Variants in AGAP1 observed in about 807,000 individuals in gnomAD.
The protein encoded by AGAP1 is ArfGAP with GTPase domain, ankyrin repeat and PH domain 1.
In AGAP1, 29 loss-of-function variants were observed where a neutral mutation model predicts 105.3. The ratio of observed to expected loss-of-function variants is 0.28; its 90% CI spans 0.21 to 0.38. AGAP1 has a LOEUF of 0.38. Ranked by LOEUF, AGAP1 falls within the 10% of genes least tolerant of loss-of-function variation. The pLI is 1.00. For synonymous variants in AGAP1, 509 were observed against 485.9 expected (o/e 1.05, Z -0.63); for missense variants, 998 against 1,165.1 (o/e 0.86, Z 2.09).
intron 1 of AGAP1, among the ~76,000 whole-genome samples, chr2:235,636,616 C>T (rs1344683422): frequency 6.6e-6 from 1 of 152,178 alleles, no homozygotes; most frequent in Non-Finnish European, 1.5e-5. Flanking sequence ...CATCAGCATC[C>T]CATGACATTG....
intron 9 of AGAP1, among the ~76,000 whole-genome samples, chr2:235,812,886 C>T (rs1174282256): frequency 1.3e-5 from 2 of 152,216 alleles, no homozygotes; most frequent in East Asian, 3.9e-4. Context: ...CGTAGGGGCC[C>T]GTTTTGCTCC....
At chr2:235,885,839 A>G (rs146668084) in intron 10 of AGAP1, among the ~76,000 whole-genome samples, 2 of 152,348 alleles carry the variant, frequency 1.3e-5, no homozygotes, top group East Asian at 1.9e-4. Context: ...GGGATTCGAG[A>G]TGCAGATATG....
intron 13 of AGAP1, among the ~76,000 whole-genome samples, chr2:235,990,597 A>G (rs1458298405): frequency 1.3e-5 from 2 of 152,178 alleles, no homozygotes; most frequent in African/African-American, 4.8e-5. Flanking sequence ...AAGGGCAGGC[A>G]TCACATGAGA....
rs532606775 is a variant in AGAP1 at position 235,682,042 on chromosome 2, A to G, written c.164-27137A>G. Reference sequence around the variant, plus strand: ...TTTTTTTTGTATTTTTAGTAGAGACAGGGTTTCACCATGTTGGCCAGGCTG... The same window carrying G: ...TTTTTTTTGTATTTTTAGTAGAGACGGGGTTTCACCATGTTGGCCAGGCTG... On this transcript the variant is annotated intron_variant, in intron 1 of 17. Transcript: ENST00000304032. Among the ~76,000 whole-genome samples, 4 of 151,778 alleles carry G rather than the reference A, an allele frequency of 2.6e-5. No homozygotes were observed. In the East Asian group the frequency reaches 7.8e-4, roughly 30 times the overall value.
intron 7 of AGAP1, among the ~76,000 whole-genome samples, chr2:235,798,794 A>C (rs1957358439): frequency 6.6e-6 from 1 of 150,650 alleles, no homozygotes; most frequent in Non-Finnish European, 1.5e-5. Flanking sequence ...ACCTCTGCCC[A>C]GCAGAAGAGC....
At chr2:236,075,784 G>C (rs1271765603) in intron 16 of AGAP1, among the ~76,000 whole-genome samples, 1 of 152,212 alleles carries the variant, frequency 6.6e-6, no homozygotes, top group Non-Finnish European at 1.5e-5. Flanking sequence ...AGAGCTGATT[G>C]CTGCCCAGTG....
intron 13 of AGAP1, among the ~76,000 whole-genome samples, chr2:236,011,198 C>T (rs920563224): frequency 4.6e-5 from 7 of 152,224 alleles, no homozygotes; most frequent in African/African-American, 1.2e-4. Flanking sequence ...CCTGAGTTCA[C>T]GGTTCACGTT....
At chr2:235,835,566 C>T (rs1434938211) in intron 9 of AGAP1, among the ~76,000 whole-genome samples, 1 of 152,198 alleles carries the variant, frequency 6.6e-6, no homozygotes, top group Non-Finnish European at 1.5e-5. Flanking sequence ...GCACTTTGTC[C>T]ATTACTTTGT....
chr2:235,759,650 G>A (rs1282833211), intron 6 of AGAP1, among the ~76,000 whole-genome samples: 1 of 152,228 alleles, frequency 6.6e-6, no homozygotes, highest in Non-Finnish European at 1.5e-5. Flanking sequence ...TGAGGAAGAA[G>A]CCTTGGTGGG....
In AGAP1 at chr2:235,824,188, G is replaced by T. The variant is rs1958949200; in HGVS notation, c.1050+16857G>T. Among the ~76,000 whole-genome samples the T allele has an allele frequency of 6.6e-6, 1 of 152,346 alleles. No individual in the cohort carries two copies. Among genetic ancestry groups the T allele is most frequent in the South Asian group, 2.1e-4 (1 of 4,824 alleles). ...ATAGCGCCAACGCTGAGGGGTCTTC[G>T]ATTGGTGGCACCCGTGTTCCACGGT... On this transcript the variant is annotated intron_variant, in intron 9 of 17. Coordinates refer to ENST00000304032, the MANE Select transcript of AGAP1 (RefSeq NM_001037131.3). This position sits in a 1 kb window ranked among gnomAD's most constrained non-coding sequence, Gnocchi z 5.2.
chr2:235,526,720 A>T (rs1470034777), intron 1 of AGAP1, among the ~76,000 whole-genome samples: 1 of 152,212 alleles, frequency 6.6e-6, no homozygotes. Context: ...CCTGAACAAC[A>T]TGGGTGATGG....
chr2:235,843,522 T>C lies in AGAP1; in HGVS notation c.1050+36191T>C, dbSNP rs968106913. 6.6e-6 allele frequency among the ~76,000 whole-genome samples: 1 copy of C among 152,108 alleles called. No homozygotes were observed. The highest frequency in any genetic ancestry group is 2.4e-5 in the African/African-American group (1 of 41,396). On this transcript the variant is annotated intron_variant, in intron 9 of 17. Transcript: ENST00000304032. The surrounding 1 kb of genome is among the most constrained non-coding windows in gnomAD (Gnocchi z 5.9). ...CCAGCTCCTCCTGCACAGCACTCTT[T>C]CTGCTGTGGGATGCCTCCGCCTCCC...
In AGAP1 at chr2:235,718,126, T is replaced by C. The variant is rs146022061; in HGVS notation, c.310+482T>C. ...ATAAACATTTAATAATCATTTTGCA[T>C]GAGAGTAAGATTTTTTTTTTTGCCA... is the stretch of plus-strand genomic sequence containing the variant. On this transcript the variant is annotated intron_variant, in intron 3 of 17. Coordinates refer to ENST00000304032, the MANE Select transcript of AGAP1 (RefSeq NM_001037131.3). 2.3e-3 allele frequency among the ~76,000 whole-genome samples: 353 copies of C among 152,290 alleles called. 4 individuals carry two copies. The highest frequency in any genetic ancestry group is 0.02 in the East Asian group (104 of 5,182).
chr2:235,727,169 C>G (rs1439601192), intron 3 of AGAP1, among the ~76,000 whole-genome samples: 1 of 152,162 alleles, frequency 6.6e-6, no homozygotes, highest in Non-Finnish European at 1.5e-5. Context: ...TTTGATTGTT[C>G]TGTCCCTTCG....
chr2:235,688,563 A>G (rs1271246744), intron 1 of AGAP1, among the ~76,000 whole-genome samples: 1 of 152,074 alleles, frequency 6.6e-6, no homozygotes, highest in Non-Finnish European at 1.5e-5. Context: ...GCCACATGAG[A>G]CTGCAGGCCC....
At chr2:235,790,569 A>G (rs768203473) in intron 6 of AGAP1, among the ~76,000 whole-genome samples, 37 of 152,130 alleles carry the variant, frequency 2.4e-4, no homozygotes, top group Admixed American at 3.9e-4. Context: ...TCACTTCTCT[A>G]TTCAATTTGA....
rs556488411 is a variant in AGAP1, at chr2:235,566,001, A to G, written c.163+71152A>G. On this transcript the variant is annotated intron_variant, in intron 1 of 17. Transcript: ENST00000304032. This position sits in a 1 kb window ranked among gnomAD's most constrained non-coding sequence, Gnocchi z 5.2. ...CATACAGAAAAGTGGAAATAATTTT[A>G]TAGTGAGTACTTGTACACTGATTGC... is the stretch of plus-strand genomic sequence containing the variant. Among the ~76,000 whole-genome samples the G allele has an allele frequency of 6.6e-6, 1 of 152,356 alleles. No individual in the cohort carries two copies. The highest frequency in any genetic ancestry group is 2.1e-4 in the South Asian group (1 of 4,826).
chr2:235,716,992 C>CT lies in AGAP1; in HGVS notation c.223-564dup, dbSNP rs1320272082. On this transcript the variant is annotated intron_variant, in intron 2 of 17. Transcript: ENST00000304032. The surrounding 1 kb of genome is among the most constrained non-coding windows in gnomAD (Gnocchi z 4.0). ...GGAGATGCCTTGGTGGGTCCTGTGT[C>CT]TGGGAGGCAGGTGTGTGCCCTCCTC... 6.6e-6 allele frequency among the ~76,000 whole-genome samples: 1 copy of CT among 152,146 alleles called. No homozygotes were observed. The highest frequency in any genetic ancestry group is 2.4e-5 in the African/African-American group (1 of 41,438).
At position 236,012,137 on chromosome 2, in the gene AGAP1, G is replaced by C. The variant is rs2056534064; in HGVS notation, c.1646-24424G>C. Among the ~76,000 whole-genome samples the C allele has an allele frequency of 6.6e-6, 1 of 152,068 alleles. No homozygotes were observed. Among genetic ancestry groups the C allele is most frequent in the Non-Finnish European group, 1.5e-5 (1 of 68,028 alleles). On this transcript the variant is annotated intron_variant, in intron 13 of 17. Coordinates refer to ENST00000304032, the MANE Select transcript of AGAP1 (RefSeq NM_001037131.3). The surrounding 1 kb of genome is among the most constrained non-coding windows in gnomAD (Gnocchi z 4.9). ...GCACGACATTTTGCACATTAAAATG[G>C]ATTATTTCATCAATAGGTTAATAGA...
Sources: allele counts gnomAD v4.1 joint callset (sites outside exome capture counted in the v4.1 genomes callset), GRCh38; gene constraint gnomAD v4.1.1; non-coding constraint Gnocchi (gnomAD v3.1); transcripts MANE v1.5; gene names NCBI Gene and HGNC (gene_info 2026-07-23, HGNC 2026-07-21).